Variants in UTRN observed in about 807,000 individuals in gnomAD.
UTRN encodes dystrophin-related protein 1.
A neutral mutation model predicts 463.9 loss-of-function variants in UTRN; 283 were observed. That is an observed-to-expected ratio of 0.61 (90% CI 0.55 to 0.67). The LOEUF is 0.67. Among genes scored for constraint, UTRN ranks in the 30% least tolerant of loss-of-function variants. The pLI is 0.00. For missense variants in UTRN, 3,922 were observed against 4,084.3 expected, an observed-to-expected ratio of 0.96 and a Z score of 1.08; for synonymous variants, 1,442 against 1,431.5, an observed-to-expected ratio of 1.01 and a Z score of -0.17.
rs569679682 is a variant in UTRN at position 144,472,958 on chromosome 6, G to A, written c.3067-762G>A. On this transcript the variant is annotated intron_variant, in intron 23 of 74. Coordinates refer to ENST00000367545, the MANE Select transcript of UTRN (RefSeq NM_007124.3). ...TAATTTTTGTATTTTTAATAGAGAC[G>A]GGGTTTCACCTTGTTGGCCAGGATG... Among the ~76,000 whole-genome samples the A allele has an allele frequency of 3.3e-5, 5 of 151,906 alleles. No individual in the cohort carries two copies. The East Asian group carries it at 7.7e-4, about 23-fold the overall frequency.
intron 58 of UTRN, among the ~76,000 whole-genome samples, chr6:144,758,925 A>G (rs915327773): frequency 6.6e-6 from 1 of 152,054 alleles, no homozygotes; most frequent in Admixed American, 6.6e-5. Flanking sequence ...TTTCCTTTTT[A>G]TCATTTCTAA....
chr6:144,466,603 G>A (rs1789986674), intron 23 of UTRN, among the ~76,000 whole-genome samples: 1 of 152,138 alleles, frequency 6.6e-6, no homozygotes, highest in South Asian at 2.1e-4. Context: ...GAAAATACAT[G>A]AAATGGGTAT....
At chr6:144,435,561 C>T (rs1306308715) in intron 9 of UTRN, among the ~76,000 whole-genome samples, 2 of 152,194 alleles carry the variant, frequency 1.3e-5, no homozygotes, top group Non-Finnish European at 2.9e-5. Context: ...AGCTCCTCTA[C>T]GAAACTTTCC....
At chr6:144,355,665 A>G (rs1439886209) in intron 2 of UTRN, among the ~76,000 whole-genome samples, 1 of 152,120 alleles carries the variant, frequency 6.6e-6, no homozygotes, top group African/African-American at 2.4e-5. Flanking sequence ...ATAATTTTAC[A>G]TTTATAGAAA....
At chr6:144,618,286 T>G in intron 51 of UTRN, among the ~76,000 whole-genome samples, 1 of 152,302 alleles carries the variant, frequency 6.6e-6, no homozygotes, top group East Asian at 1.9e-4. Flanking sequence ...ATTTGGAAAT[T>G]TATTCAGCTG....
rs2128613790 is a variant in UTRN, at chr6:144,554,949, C to G, written c.7134+56C>G. 37 of 1,560,418 alleles carry G rather than the reference C, an allele frequency of 2.4e-5. No homozygotes were observed. In the South Asian group the frequency reaches 4.3e-4, roughly 18 times the overall value. ...TTGTTTTGTTGGATATACTTTTTTT[C>G]TATTGTTCACTGTAATTCTTAACAA... is the stretch of plus-strand genomic sequence containing the variant. On this transcript the variant is annotated intron_variant, in intron 49 of 74. Transcript: ENST00000367545.
At chr6:144,296,168 T>G (rs937286498) in intron 2 of UTRN, among the ~76,000 whole-genome samples, 2 of 152,204 alleles carry the variant, frequency 1.3e-5, no homozygotes, top group East Asian at 3.9e-4. Flanking sequence ...ACCAGTCCGT[T>G]GCCTGTTAGG....
At chr6:144,441,004 A>G (rs1787101137) in intron 13 of UTRN, among the ~76,000 whole-genome samples, 1 of 152,152 alleles carries the variant, frequency 6.6e-6, no homozygotes, top group Non-Finnish European at 1.5e-5. Flanking sequence ...ACCTGCGCCC[A>G]TGAATCAATT....
intron 53 of UTRN, among the ~76,000 whole-genome samples, chr6:144,700,745 T>C (rs1490229988): frequency 1.3e-5 from 2 of 151,276 alleles, no homozygotes; most frequent in Non-Finnish European, 2.9e-5. Context: ...CTTTGTTTTT[T>C]TTTTTTAAGA....
At chr6:144,383,895 A>G (rs1228990422) in intron 2 of UTRN, among the ~76,000 whole-genome samples, 2 of 152,226 alleles carry the variant, frequency 1.3e-5, no homozygotes, top group Non-Finnish European at 2.9e-5. Context: ...TGAAAATATG[A>G]GTATTAAAAG....
At chr6:144,287,203 T>G (rs570796929) in intron 1 of UTRN, among the ~76,000 whole-genome samples, 1 of 152,274 alleles carries the variant, frequency 6.6e-6, no homozygotes, top group South Asian at 2.1e-4. Flanking sequence ...AGTTCTGCGG[T>G]GACGGACAGG....
intron 2 of UTRN, among the ~76,000 whole-genome samples, chr6:144,374,381 C>G (rs1007607996): frequency 6.6e-6 from 1 of 152,060 alleles, no homozygotes; most frequent in Non-Finnish European, 1.5e-5. Flanking sequence ...GTGGCTCACT[C>G]CTGTAATCCC....
chr6:144,651,421 CAA>C (rs1778806645), intron 51 of UTRN, among the ~76,000 whole-genome samples: 1 of 152,066 alleles, frequency 6.6e-6, no homozygotes, highest in South Asian at 2.1e-4. Flanking sequence ...AAGGTTCAGA[CAA>C]GAGTTCCAGG....
chr6:144,785,497 A>G (rs543836584), intron 61 of UTRN, among the ~76,000 whole-genome samples: 302 of 152,302 alleles, frequency 2.0e-3, no homozygotes, highest in African/African-American at 7.0e-3. Flanking sequence ...TAATCATTTG[A>G]TTATTCTTAC....
At chr6:144,377,010 A>G (rs995639542) in intron 2 of UTRN, among the ~76,000 whole-genome samples, 2 of 152,074 alleles carry the variant, frequency 1.3e-5, no homozygotes, top group African/African-American at 4.8e-5. Context: ...TGACTATTAT[A>G]TATTTTTCTA....
chr6:144,413,161 T>C (rs1784066581), intron 3 of UTRN, among the ~76,000 whole-genome samples: 1 of 152,188 alleles, frequency 6.6e-6, no homozygotes, highest in Admixed American at 6.5e-5. Context: ...TCTACAGTCA[T>C]GTGTCACATA....
intron 43 of UTRN, among the ~76,000 whole-genome samples, chr6:144,537,191 A>G (rs577686064): frequency 6.6e-6 from 1 of 152,210 alleles, no homozygotes; most frequent in African/African-American, 2.4e-5. Context: ...TTCGTGAAAC[A>G]CTCAAAGAGA....
intron 49 of UTRN, 103 bp downstream of exon 49, chr6:144,554,996 C>T (rs1799253022): frequency 7.5e-7 from 1 of 1,335,102 alleles, no homozygotes; most frequent in East Asian, 2.5e-5. Context: ...CATGTTTTTT[C>T]CTAAGTTCTT....
chr6:144,770,447 T>G (rs530369173), intron 58 of UTRN, among the ~76,000 whole-genome samples: 1 of 152,332 alleles, frequency 6.6e-6, no homozygotes, highest in South Asian at 2.1e-4. Context: ...CTCTCTTAGG[T>G]ACTATGCTGG....
Sources: allele counts gnomAD v4.1 joint callset (sites outside exome capture counted in the v4.1 genomes callset), GRCh38; gene constraint gnomAD v4.1.1; transcripts MANE v1.5; gene names NCBI Gene and HGNC (gene_info 2026-07-23, HGNC 2026-07-21).